The following RNF31 variants were observed in gnomAD, a reference collection of about 807,000 sequenced individuals.
RNF31 encodes ring finger protein 31, also known as E3 ubiquitin-protein ligase RNF31.
A neutral mutation model predicts 133.6 loss-of-function variants in RNF31; 38 were observed. The observed-to-expected ratio is 0.28, with a 90% CI of 0.22 to 0.37. The LOEUF (loss-of-function observed/expected upper bound fraction) is 0.37, where lower values mean the gene tolerates loss of function less well. Among genes scored for constraint, RNF31 ranks in the 10% least tolerant of loss-of-function variants. RNF31 has a pLI of 1.00. For synonymous variants in RNF31, 582 were observed against 552.3 expected, an observed-to-expected ratio of 1.05 and a Z score of -0.75; for missense variants, 1,118 against 1,394.1, an observed-to-expected ratio of 0.80 and a Z score of 3.15.
At position 24,160,261 on chromosome 14, in the gene RNF31, G is replaced by C. The variant is rs1269552286; in HGVS notation, c.3019G>C (p.Val1007Leu). 1 of 1,613,906 alleles carries C rather than the reference G, an allele frequency of 6.2e-7. No homozygotes were observed. Among genetic ancestry groups the C allele is most frequent in the Non-Finnish European group, 8.5e-7 (1 of 1,180,010 alleles). ...CAGGGCACACTACAAAGAGTATCTT[G>C]TGAGCCTCATCAATGCCCACTCGCT... ...LCQAHYKEYL[V>L]SLINAHSLDP... The change falls in exon 20 of 21, where the codon GTG becomes CTG. Residue 1007 changes from valine (V) to leucine (L), a missense_variant. By Grantham distance (32) the Val-to-Leu change is conservative. This residue lies in a region of RNF31 where 170 missense variants were observed against 194.5 expected (regional missense o/e 0.87). Transcript: ENST00000324103. The surrounding 1 kb of genome is among the most constrained non-coding windows in gnomAD (Gnocchi z 4.0).
At chr14:24,149,764 T>C (rs2038234900) in intron 6 of RNF31, among the ~76,000 whole-genome samples, 181 bp downstream of exon 6, 1 of 152,154 alleles carries the variant, frequency 6.6e-6, no homozygotes, top group Non-Finnish European at 1.5e-5. Flanking sequence ...TAACCCAGGT[T>C]GTTATGGTAA....
intron 6 of RNF31, 105 bp downstream of exon 6, chr14:24,149,688 A>G: frequency 1.7e-6 from 2 of 1,158,502 alleles, no homozygotes. Flanking sequence ...TTAATAGAGG[A>G]CAAGTAGCCA....
chr14:24,151,135 G>C lies in RNF31; in HGVS notation c.1493G>C (p.Gly498Ala), dbSNP rs2038259115. Residue 498 changes from glycine (G) to alanine (A), a missense_variant, in exon 9 of 21, where the codon GGG becomes GCG. Physicochemically the swap from Gly to Ala is moderately conservative, Grantham distance 60. Around this residue, in one of 3 missense-constraint regions of RNF31, gnomAD observed 747 missense variants for 827.9 expected, o/e 0.90. Coordinates refer to ENST00000324103, the MANE Select transcript of RNF31 (RefSeq NM_017999.5). This position sits in a 1 kb window ranked among gnomAD's most constrained non-coding sequence, Gnocchi z 5.3. ...GLQLVSMIREGEAAGACPEEI... is the reference protein window; with the variant it reads ...GLQLVSMIREAEAAGACPEEI... ...ATGGGCGGGACTGTGCCTTAGGAAG[G>C]GGAAGCCGCAGGTGCCTGTCCAGAG... is the stretch of plus-strand genomic sequence containing the variant. 6.2e-7 allele frequency: 1 copy of C among 1,613,758 alleles called. No homozygotes were observed. Among genetic ancestry groups the C allele is most frequent in the East Asian group, 2.2e-5 (1 of 44,866 alleles).
chr14:24,150,317 T>G lies in RNF31; in HGVS notation c.1066T>G (p.Cys356Gly). The G allele has an allele frequency of 6.2e-7, 1 of 1,614,184 alleles. No individual in the cohort carries two copies. Among genetic ancestry groups the G allele is most frequent in the Non-Finnish European group, 8.5e-7 (1 of 1,180,028 alleles). The change falls in exon 7 of 21, where the codon TGC (cysteine) becomes GGC (glycine). Residue 356 changes from cysteine (C) to glycine (G), a missense_variant. Around this residue, in one of 3 missense-constraint regions of RNF31, gnomAD observed 747 missense variants for 827.9 expected, o/e 0.90. Transcript: ENST00000324103. ...EPDLARGRWA[C>G]QSCTFENEAA... ...TGATCTTGCACGGGGTCGGTGGGCC[T>G]GCCAGAGCTGTACCTTTGAGAATGA...
chr14:24,148,771 C>T, intron 4 of RNF31, 30 bp from the exon 5 acceptor site: 2 of 1,613,942 alleles, frequency 1.2e-6, no homozygotes, highest in Non-Finnish European at 8.5e-7. Flanking sequence ...TCCCTAAACC[C>T]TTATTCATTC....
intron 18 of RNF31, among the ~76,000 whole-genome samples, chr14:24,159,584 C>CAAAAAAAAAAAAAAAAAAAAAAAAAAAA (rs59295225): frequency 1.2e-5 from 1 of 82,198 alleles, no homozygotes; most frequent in African/African-American, 4.9e-5. Context: ...AAATAACAAC[C>CAAAAAAAAAAAAAAAAAAAAAAAAAAAA]AAAAAAAAAA....
chr14:24,149,598 C>G lies in RNF31; in HGVS notation c.809+15C>G, dbSNP rs763436264. ...CTGAGCCCCAGGTGAGAGGGCTTCT[C>G]TTCTGGGTGGGAGTGAAATTTAGAG... On this transcript the variant is annotated intron_variant, in intron 6 of 20. Coordinates refer to ENST00000324103, the MANE Select transcript of RNF31 (RefSeq NM_017999.5). 3 of 1,604,304 alleles carry G rather than the reference C, an allele frequency of 1.9e-6. No homozygotes were observed. Among genetic ancestry groups the G allele is most frequent in the Non-Finnish European group, 2.6e-6 (3 of 1,175,280 alleles).
At position 24,148,393 on chromosome 14, in the gene RNF31, G is replaced by C. The variant is rs555994882; in HGVS notation, c.475G>C (p.Glu159Gln). The C allele has an allele frequency of 4.3e-6, 7 of 1,614,160 alleles. No individual in the cohort carries two copies. In the South Asian group the frequency reaches 6.6e-5, roughly 15 times the overall value. Residue 159 changes from glutamate (E) to glutamine (Q), a missense_variant, in exon 3 of 21, where the codon GAG (glutamate) becomes CAG (glutamine). Glu to Gln is a conservative substitution (Grantham distance 29). Around this residue, in one of 3 missense-constraint regions of RNF31, gnomAD observed 747 missense variants for 827.9 expected, o/e 0.90. Coordinates refer to ENST00000324103, the MANE Select transcript of RNF31 (RefSeq NM_017999.5). ...VTLEVLLLRTELSLLLQNTHP... is the reference protein window; with the variant it reads ...VTLEVLLLRTQLSLLLQNTHP... ...ACTGGAAGTACTGCTGCTTCGGACA[G>C]AGCTCAGCCTGCTATTGCAGGTGAG...
Position 24,150,099 on chromosome 14 carries a change from C to T in RNF31, c.848C>T (p.Ser283Phe), listed in dbSNP as rs1213104346. ...GCCCAACCACGGCCCCAGTCGACCT[C>T]CCTGCTGGCCCTGGGAGACAGCTCT... is the stretch of plus-strand genomic sequence containing the variant. ...ASAQPRPQSTSLLALGDSSLS... is the reference protein window; with the variant it reads ...ASAQPRPQSTFLLALGDSSLS... Residue 283 changes from serine to phenylalanine, a missense_variant, in exon 7 of 21, where the codon TCC (serine) becomes TTC (phenylalanine). Physicochemically the swap from Ser to Phe is radical, Grantham distance 155 (BLOSUM62 -2). Around this residue, in one of 3 missense-constraint regions of RNF31, gnomAD observed 747 missense variants for 827.9 expected, o/e 0.90. Transcript: ENST00000324103. 6.3e-7 allele frequency: 1 copy of T among 1,598,584 alleles called. No homozygotes were observed. The highest frequency in any genetic ancestry group is 1.7e-5 in the Admixed American group (1 of 59,558).
At chr14:24,148,740 C>T (rs1566612356) in intron 4 of RNF31, 39 bp downstream of exon 4, 2 of 1,613,560 alleles carry the variant, frequency 1.2e-6, no homozygotes, top group Non-Finnish European at 1.7e-6. Context: ...ACAAAGGAAA[C>T]AGGAATTGTG....
chr14:24,149,966 A>G (rs1594375440), intron 6 of RNF31, 95 bp from the exon 7 acceptor site: 11 of 1,419,684 alleles, frequency 7.7e-6, no homozygotes, highest in Non-Finnish European at 9.5e-6. Context: ...GGCCAGTGAC[A>G]TGAGTTGTTA....
At position 24,157,635 on chromosome 14, in the gene RNF31, G is replaced by A. The variant is rs2038363781; in HGVS notation, c.2724G>A (p.Lys908=). The change falls in exon 16 of 21, where the codon AAG becomes AAA. Residue 908 remains lysine, a synonymous_variant. Coordinates refer to ENST00000324103, the MANE Select transcript of RNF31 (RefSeq NM_017999.5). ...GCTGCTACAATGCCTTTTACGCCAA[G>A]AATGTAAGCCCAGAGAGTTGGGGAA... ...CSGCYNAFYA[K]NKCPEPNCRV... is the part of the protein sequence containing the mutation. The A allele has an allele frequency of 6.2e-7, 1 of 1,613,572 alleles. No individual in the cohort carries two copies. The highest frequency in any genetic ancestry group is 2.2e-5 in the East Asian group (1 of 44,884).
chr14:24,155,673 G>A lies in RNF31; in HGVS notation c.2474G>A (p.Cys825Tyr), dbSNP rs756851179. Residue 825 changes from cysteine (C) to tyrosine (Y), a missense_variant, in exon 14 of 21, where the codon TGT becomes TAT. Cys to Tyr is a radical substitution (Grantham distance 194, BLOSUM62 -2). Around this residue, in one of 3 missense-constraint regions of RNF31, gnomAD observed 201 missense variants for 371.7 expected, o/e 0.54. Transcript: ENST00000324103. This position sits in a 1 kb window ranked among gnomAD's most constrained non-coding sequence, Gnocchi z 4.9. The stretch of plus-strand genomic sequence containing the variant: ...TGTCCCCAGTGTCACCAGACCTTCT[G>A]TGTGCGCTGCAAGCGCCAGGTGAGG... Reference protein sequence around the residue: ...ATCPQCHQTFCVRCKRQWEEQ... With the variant: ...ATCPQCHQTFYVRCKRQWEEQ... 1 of 1,614,148 alleles carries A rather than the reference G, an allele frequency of 6.2e-7. No individual in the cohort carries two copies. Among genetic ancestry groups the A allele is most frequent in the South Asian group, 1.1e-5 (1 of 91,086 alleles).
chr14:24,150,129 C>T lies in RNF31; in HGVS notation c.878C>T (p.Ser293Phe). The change falls in exon 7 of 21, where the codon TCT (serine) becomes TTT (phenylalanine). Residue 293 changes from serine (S) to phenylalanine (F), a missense_variant. Ser to Phe is a radical substitution (Grantham distance 155, BLOSUM62 -2). This residue lies in a region of RNF31 where 747 missense variants were observed against 827.9 expected (regional missense o/e 0.90). Transcript: ENST00000324103. ...CTGGCCCTGGGAGACAGCTCTCTTT[C>T]TTCCCCTAATCCTGCAAGTGCTCAT... is the stretch of plus-strand genomic sequence containing the variant. The part of the protein sequence containing the change: ...SLLALGDSSL[S>F]SPNPASAHLP... 6.2e-7 allele frequency: 1 copy of T among 1,610,604 alleles called. No homozygotes were observed. Among genetic ancestry groups the T allele is most frequent in the Non-Finnish European group, 8.5e-7 (1 of 1,177,196 alleles).
intron 11 of RNF31, among the ~76,000 whole-genome samples, chr14:24,153,630 G>A (rs912510044): frequency 6.6e-5 from 10 of 151,166 alleles, no homozygotes; most frequent in South Asian, 2.1e-4. Context: ...TTGGCCAGGC[G>A]CAGTGGCTCA....
In RNF31 at chr14:24,160,181, G is replaced by T; in HGVS notation, c.2997-58G>T. ...GGTGTCTCAGAGTCCAGCTATGTTA[G>T]ACACACTCAGTTAATATTAGCCAAC... is the stretch of plus-strand genomic sequence containing the variant. On this transcript the variant is annotated intron_variant, in intron 19 of 20. Transcript: ENST00000324103. The surrounding 1 kb of genome is among the most constrained non-coding windows in gnomAD (Gnocchi z 4.0). The T allele has an allele frequency of 6.4e-7, 1 of 1,561,994 alleles. No homozygotes were observed. The highest frequency in any genetic ancestry group is 8.7e-7 in the Non-Finnish European group (1 of 1,151,304).
intron 18 of RNF31, among the ~76,000 whole-genome samples, chr14:24,159,294 C>T (rs2038401960): frequency 6.8e-6 from 1 of 147,430 alleles, no homozygotes; most frequent in African/African-American, 2.6e-5. Flanking sequence ...TTGCAGTGAG[C>T]CAAGATTGCG....
At chr14:24,156,941 G>A (rs1323497046) in intron 14 of RNF31, among the ~76,000 whole-genome samples, 1 of 152,182 alleles carries the variant, frequency 6.6e-6, no homozygotes, top group African/African-American at 2.4e-5. Context: ...GCCATGGGGA[G>A]AATTGACCCT....
upstream of RNF31, chr14:24,147,331 A>C: frequency 1.5e-5 from 3 of 201,162 alleles, no homozygotes; most frequent in Admixed American, 6.0e-5. Flanking sequence ...GACTGAGGGA[A>C]GATGCTGGCG....
Sources: gnomAD v4.1 joint callset for allele counts (sites outside exome capture counted in the v4.1 genomes callset) on GRCh38, gnomAD v4.1.1 for gene constraint, gnomAD v4.1.1 regional missense constraint, Gnocchi (gnomAD v3.1) non-coding constraint, MANE v1.5 for transcripts, NCBI Gene and HGNC (gene_info 2026-07-23, HGNC 2026-07-21) for gene names.